Variants in UBAC1 observed in about 807,000 individuals in gnomAD.
UBAC1 encodes ubiquitin-associated domain-containing protein 1.
In UBAC1, 27 loss-of-function variants were observed where a neutral mutation model predicts 45.9. The ratio of observed to expected loss-of-function variants is 0.59; its 90% CI spans 0.43 to 0.81. The LOEUF is 0.81. Ranked by LOEUF, UBAC1 falls within the 30% of genes least tolerant of loss-of-function variation. The pLI is 0.00. For missense variants in UBAC1, 529 were observed against 539.2 expected, an observed-to-expected ratio of 0.98 and a Z score of 0.19; for synonymous variants, 227 against 215.5, an observed-to-expected ratio of 1.05 and a Z score of -0.47.
intron 3 of UBAC1, among the ~76,000 whole-genome samples, chr9:135,951,725 G>A (rs920523208): frequency 3.9e-5 from 6 of 152,076 alleles, no homozygotes; most frequent in Non-Finnish European, 5.9e-5. Context: ...CAGGAGAATC[G>A]TTTGAACCTG....
chr9:135,953,869 T>C, intron 2 of UBAC1, 116 bp from the exon 3 acceptor site: 1 of 750,110 alleles, frequency 1.3e-6, no homozygotes, highest in Non-Finnish European at 2.1e-6. Flanking sequence ...CCGGGCGCAG[T>C]GGCTCCCATC....
chr9:135,944,919 G>C, intron 7 of UBAC1, 109 bp downstream of exon 7: 2 of 1,109,312 alleles, frequency 1.8e-6, no homozygotes, highest in South Asian at 3.2e-5. Context: ...CCTGGGACAG[G>C]AGCCAGCTCA....
intron 1 of UBAC1, among the ~76,000 whole-genome samples, chr9:135,960,138 G>C (rs1327718551): frequency 6.6e-6 from 1 of 152,210 alleles, no homozygotes; most frequent in African/African-American, 2.4e-5. Context: ...GTCGCCACTA[G>C]AAAATTGCAG....
At chr9:135,935,721 C>T (rs1385948241) in intron 9 of UBAC1, among the ~76,000 whole-genome samples, 1 of 152,068 alleles carries the variant, frequency 6.6e-6, no homozygotes, top group African/African-American at 2.4e-5. Flanking sequence ...TTCAACATTG[C>T]TAATAACCAA....
intron 3 of UBAC1, among the ~76,000 whole-genome samples, chr9:135,951,153 C>T (rs1839402550): frequency 1.3e-5 from 2 of 152,168 alleles, no homozygotes; most frequent in African/African-American, 4.8e-5. Context: ...TCATGCTGCC[C>T]AGGCTGGTCT....
At chr9:135,939,536 T>C (rs1839243535) in intron 8 of UBAC1, 137 bp downstream of exon 8, 5 of 740,254 alleles carry the variant, frequency 6.8e-6, no homozygotes, top group Non-Finnish European at 1.1e-5. Flanking sequence ...CAGCCCCCAC[T>C]CACTCACCAC....
intron 1 of UBAC1, among the ~76,000 whole-genome samples, chr9:135,956,661 G>A (rs1245028506): frequency 6.6e-6 from 1 of 152,128 alleles, no homozygotes. Context: ...CAAATATGGC[G>A]CCTCCCCAGC....
intron 3 of UBAC1, among the ~76,000 whole-genome samples, chr9:135,950,800 T>C (rs1839398073): frequency 6.6e-6 from 1 of 152,144 alleles, no homozygotes; most frequent in Middle Eastern, 3.2e-3. Flanking sequence ...TAACAAGAGT[T>C]ATGAGTGGTT....
chr9:135,940,920 G>GCCAGCCCCACACAGCTC (rs1422075478), intron 7 of UBAC1, among the ~76,000 whole-genome samples: 1 of 152,198 alleles, frequency 6.6e-6, no homozygotes, highest in Non-Finnish European at 1.5e-5. Context: ...GTCTAGGGGT[G>GCCAGCCCCACACAGCTC]CCAGCCCCAC....
intron 9 of UBAC1, among the ~76,000 whole-genome samples, chr9:135,935,314 G>T (rs1229266388): frequency 1.3e-5 from 2 of 152,190 alleles, no homozygotes; most frequent in African/African-American, 2.4e-5. Context: ...TAATATCCAA[G>T]AAGCTATTAA....
At chr9:135,953,457 C>T (rs755972865) in intron 3 of UBAC1, among the ~76,000 whole-genome samples, 15 of 152,324 alleles carry the variant, frequency 9.8e-5, no homozygotes, top group Non-Finnish European at 1.8e-4. Flanking sequence ...GCTGGGACTA[C>T]AGGCATGAGC....
Position 135,961,365 on chromosome 9 carries a change from G to C in UBAC1, c.-203C>G, listed in dbSNP as rs1331565510. The C allele has an allele frequency of 5.0e-6, 1 of 201,860 alleles. No individual in the cohort carries two copies. The highest frequency in any genetic ancestry group is 8.8e-6 in the Non-Finnish European group (1 of 113,536). The allele number at this position is 201,860 out of a possible 1,614,324, so 12.5% of individuals were successfully genotyped here. ...CTCCCGCCGCCGCAGCAGCCGCCGGGGGCGCGCCGTCGCGGCCGCACCGGA... is the reference window on the plus strand; with the variant it reads ...CTCCCGCCGCCGCAGCAGCCGCCGGCGGCGCGCCGTCGCGGCCGCACCGGA... On this transcript the variant is annotated 5_prime_UTR_variant, in exon 1 of 10. Transcript: ENST00000371756.
chr9:135,941,334 A>G (rs189706359), intron 7 of UBAC1, among the ~76,000 whole-genome samples: 2,131 of 152,246 alleles, frequency 0.014, 45 homozygotes, highest in African/African-American at 0.049. Context: ...TGAACCTGGG[A>G]AGTGGAGGTT....
In UBAC1 at chr9:135,938,265, G is replaced by T. The variant is rs775241604; in HGVS notation, c.1059C>A (p.Asn353Lys). The change falls in exon 9 of 10, where the codon AAC becomes AAA. Residue 353 changes from asparagine to lysine, a missense_variant. By Grantham distance (94) the Asn-to-Lys change is moderately conservative. Coordinates refer to ENST00000371756, the MANE Select transcript of UBAC1 (RefSeq NM_016172.3). ...DSPLFQAILD[N>K]PVVQLGLTNP... ...TGGTCAGGCCCAGCTGCACCACCGGGTTATCCAGGATGGCCTGAAAGAGAG... is the reference window on the plus strand; with the variant it reads ...TGGTCAGGCCCAGCTGCACCACCGGTTTATCCAGGATGGCCTGAAAGAGAG... The T allele has an allele frequency of 6.2e-7, 1 of 1,614,210 alleles. No homozygotes were observed. The highest frequency in any genetic ancestry group is 1.1e-5 in the South Asian group (1 of 91,086).
chr9:135,939,058 C>T (rs1375615921), intron 8 of UBAC1, among the ~76,000 whole-genome samples: 3 of 151,994 alleles, frequency 2.0e-5, no homozygotes, highest in East Asian at 1.9e-4. Context: ...ACTAATTAGC[C>T]GGGCATAGTG....
chr9:135,942,825 C>T (rs1439855286), intron 7 of UBAC1, among the ~76,000 whole-genome samples: 1 of 152,116 alleles, frequency 6.6e-6, no homozygotes, highest in Non-Finnish European at 1.5e-5. Context: ...ACAGAACGTG[C>T]GCCTTGGGCC....
intron 9 of UBAC1, among the ~76,000 whole-genome samples, chr9:135,935,832 C>A (rs1392275582): frequency 6.6e-6 from 1 of 152,096 alleles, no homozygotes; most frequent in Non-Finnish European, 1.5e-5. Flanking sequence ...CAAGACCATC[C>A]TGGCTAACAC....
intron 9 of UBAC1, among the ~76,000 whole-genome samples, chr9:135,933,896 C>T (rs1462578381): frequency 6.6e-6 from 1 of 152,178 alleles, no homozygotes; most frequent in Non-Finnish European, 1.5e-5. Flanking sequence ...CACACACAGA[C>T]ACTGTTGCAA....
rs1839533671 is a variant in UBAC1, at chr9:135,961,247, A to C, written c.-85T>G. 4.1e-6 allele frequency: 5 copies of C among 1,232,510 alleles called. No homozygotes were observed. In the Admixed American group the frequency reaches 1.3e-4, roughly 33 times the overall value. The allele number at this position is 1,232,510 out of a possible 1,614,324, so 76.3% of individuals were successfully genotyped here. A position where few individuals can be genotyped will look rare whatever the true frequency, so the allele number is the denominator to read the frequency against. ...GCGGGCGGGGAGGGGGCGGGGCCAG[A>C]CCGCCCGCGCGCTCCTTCGCTGGGC... is the stretch of plus-strand genomic sequence containing the variant. On this transcript the variant is annotated 5_prime_UTR_variant, in exon 1 of 10. Coordinates refer to ENST00000371756, the MANE Select transcript of UBAC1 (RefSeq NM_016172.3).
Sources: gnomAD v4.1 joint callset for allele counts (sites outside exome capture counted in the v4.1 genomes callset) on GRCh38, gnomAD v4.1.1 for gene constraint, MANE v1.5 for transcripts, NCBI Gene and HGNC (gene_info 2026-07-23, HGNC 2026-07-21) for gene names.